The following LTBP1 variants were observed in gnomAD, a reference collection of about 807,000 sequenced individuals.
LTBP1 encodes the protein latent transforming growth factor beta binding protein 1.
In LTBP1, 129 loss-of-function variants were observed where a neutral mutation model predicts 207.6. The ratio of observed to expected loss-of-function variants is 0.62; its 90% CI spans 0.54 to 0.72. The LOEUF (loss-of-function observed/expected upper bound fraction) is 0.72. Ranked by LOEUF, LTBP1 falls within the 30% of genes least tolerant of loss-of-function variation. The pLI, the probability that LTBP1 is intolerant of heterozygous loss-of-function variation, is 0.00. For synonymous variants in LTBP1, 963 were observed against 833.7 expected, an observed-to-expected ratio of 1.16 and a Z score of -2.67; for missense variants, 2,281 against 2,217.2, an observed-to-expected ratio of 1.03 and a Z score of -0.58.
intron 2 of LTBP1, among the ~76,000 whole-genome samples, chr2:32,956,507 C>A (rs1164220848): frequency 6.6e-6 from 1 of 152,214 alleles, no homozygotes; most frequent in African/African-American, 2.4e-5. Context: ...CATGAGATTG[C>A]AGCAATTCAG....
At chr2:33,192,854 G>C (rs1337370184) in intron 7 of LTBP1, among the ~76,000 whole-genome samples, 2 of 152,138 alleles carry the variant, frequency 1.3e-5, no homozygotes, top group Non-Finnish European at 2.9e-5. Flanking sequence ...AAGGACAGGA[G>C]AACACAAGAG....
chr2:33,064,440 A>G (rs906087034), intron 3 of LTBP1, among the ~76,000 whole-genome samples: 8 of 152,186 alleles, frequency 5.3e-5, no homozygotes, highest in African/African-American at 1.9e-4. Context: ...TTTATTACTC[A>G]TGGCATAGCA....
At chr2:32,963,595 T>C (rs994149286) in intron 2 of LTBP1, among the ~76,000 whole-genome samples, 76 of 152,206 alleles carry the variant, frequency 5.0e-4, no homozygotes, top group Admixed American at 4.8e-3. Flanking sequence ...AATATACCTA[T>C]AAATGTGTTT....
chr2:33,391,930 A>T (rs1263318803), intron 32 of LTBP1, among the ~76,000 whole-genome samples: 2 of 152,194 alleles, frequency 1.3e-5, no homozygotes, highest in Admixed American at 1.3e-4. Context: ...TGGCCTTTAC[A>T]TTTCTTACAA....
At chr2:32,990,815 A>C (rs1684294159) in intron 2 of LTBP1, among the ~76,000 whole-genome samples, 1 of 152,090 alleles carries the variant, frequency 6.6e-6, no homozygotes, top group Non-Finnish European at 1.5e-5. Context: ...TTGGTGGGAG[A>C]AAATTGACAC....
At chr2:33,244,989 C>T (rs1573396179) in intron 10 of LTBP1, among the ~76,000 whole-genome samples, 1 of 152,176 alleles carries the variant, frequency 6.6e-6, no homozygotes, top group African/African-American at 2.4e-5. Context: ...AATGATTCTC[C>T]TACCTCAGCC....
chr2:33,070,021 C>T (rs1335880583), intron 3 of LTBP1, among the ~76,000 whole-genome samples: 1 of 152,144 alleles, frequency 6.6e-6, no homozygotes, highest in Non-Finnish European at 1.5e-5. Flanking sequence ...AAAGCATAAC[C>T]CAGTTCTGAC....
chr2:33,124,992 T>G (rs551387665), intron 4 of LTBP1, among the ~76,000 whole-genome samples: 2 of 152,342 alleles, frequency 1.3e-5, no homozygotes, highest in South Asian at 4.1e-4. Flanking sequence ...ACTTGTTCTG[T>G]AGGAGTGTTG....
intron 7 of LTBP1, among the ~76,000 whole-genome samples, chr2:33,191,102 G>T (rs2087818257): frequency 6.6e-6 from 1 of 152,128 alleles, no homozygotes; most frequent in Admixed American, 6.5e-5. Context: ...AAAGGAAAAA[G>T]CAGATCTTTT....
Position 33,288,293 on chromosome 2 carries a change from G to A in LTBP1, c.3113-4867G>A, listed in dbSNP as rs972614800. ...CAGGCTGGGGAGAACATGACTGGGT[G>A]ACATCAGCCACTGAATACCCTCTGT... On this transcript the variant is annotated intron_variant, in intron 19 of 33. Coordinates refer to ENST00000404816, the MANE Select transcript of LTBP1 (RefSeq NM_206943.4). Among the ~76,000 whole-genome samples, 6 of 152,308 alleles carry A rather than the reference G, an allele frequency of 3.9e-5. No individual in the cohort carries two copies. The East Asian group carries it at 1.2e-3, about 29-fold the overall frequency.
rs190342767 is a variant in LTBP1, at chr2:33,201,711, A to G, written c.1701+12860A>G. On this transcript the variant is annotated intron_variant, in intron 7 of 33. Coordinates refer to ENST00000404816, the MANE Select transcript of LTBP1 (RefSeq NM_206943.4). ...TATACATATTCTACAGAAGAAAATA[A>G]ACTTTATGTGGATTAGGAAGAAAGG... Among the ~76,000 whole-genome samples the G allele has an allele frequency of 1.4e-3, 213 of 152,340 alleles. 1 individual carries two copies. The highest frequency in any genetic ancestry group is 0.014 in the Middle Eastern group (4 of 294).
rs561396274 is a variant in LTBP1 at position 33,110,744 on chromosome 2, T to G, written c.1026T>G (p.Pro342=). The G allele has an allele frequency of 1.9e-6, 3 of 1,613,190 alleles. No homozygotes were observed. In the African/African-American group the frequency reaches 4.0e-5, roughly 22 times the overall value. The change falls in exon 4 of 34, where the codon CCT becomes CCG. Residue 342 remains proline, a synonymous_variant. Transcript: ENST00000404816. ...LRYVQDQVAA[P]FQLSNHTGRI... is the part of the protein sequence containing the mutation. ...ATGTGCAGGATCAAGTTGCGGCACC[T>G]TTTCAGCGTGAGTATAGTCTTATCA...
At chr2:33,207,531 C>G (rs538953333) in intron 7 of LTBP1, among the ~76,000 whole-genome samples, 145 of 152,244 alleles carry the variant, frequency 9.5e-4, no homozygotes, top group African/African-American at 3.4e-3. Flanking sequence ...AAAACCTTGC[C>G]TATAAAGAAT....
chr2:33,171,351 C>T, intron 5 of LTBP1, among the ~76,000 whole-genome samples: 1 of 141,040 alleles, frequency 7.1e-6, no homozygotes, highest in African/African-American at 2.6e-5. Context: ...TCAAGAACTA[C>T]GTGAAGAATG....
chr2:33,239,424 G>T (rs1489819429), intron 9 of LTBP1, among the ~76,000 whole-genome samples: 1 of 152,184 alleles, frequency 6.6e-6, no homozygotes, highest in East Asian at 1.9e-4. Flanking sequence ...AAGTTGTTCT[G>T]TATGCAGTGG....
chr2:33,178,038 A>C (rs1187285660), intron 5 of LTBP1, among the ~76,000 whole-genome samples: 2 of 152,158 alleles, frequency 1.3e-5, no homozygotes, highest in East Asian at 3.9e-4. Context: ...AATTACAGGG[A>C]TGGAAAGGAA....
chr2:33,078,933 A>G (rs1360426067), intron 3 of LTBP1, among the ~76,000 whole-genome samples: 1 of 133,734 alleles, frequency 7.5e-6, no homozygotes, highest in African/African-American at 2.7e-5. Context: ...ATCTCGGCTC[A>G]CTGCAAGCTC....
chr2:33,037,115 T>C (rs1471167627), intron 3 of LTBP1, among the ~76,000 whole-genome samples: 5 of 152,186 alleles, frequency 3.3e-5, no homozygotes, highest in Admixed American at 6.5e-5. Flanking sequence ...TTTTTTTCCA[T>C]ATGGCTAACT....
chr2:33,071,045 A>G (rs1378935639), intron 3 of LTBP1, among the ~76,000 whole-genome samples: 1 of 152,192 alleles, frequency 6.6e-6, no homozygotes, highest in Non-Finnish European at 1.5e-5. Context: ...ACAGCCACTC[A>G]TAGTGGGTTC....
Sources: gnomAD v4.1 joint callset for allele counts (sites outside exome capture counted in the v4.1 genomes callset) on GRCh38, gnomAD v4.1.1 for gene constraint, MANE v1.5 for transcripts, NCBI Gene and HGNC (gene_info 2026-07-23, HGNC 2026-07-21) for gene names.